The following NBN variants were observed in gnomAD, a reference collection of about 807,000 sequenced individuals.
NBN encodes the protein nibrin.
Under a neutral mutation model 90.8 loss-of-function variants are expected in NBN, and 88 were observed. The observed-to-expected ratio is 0.97, with a 90% CI of 0.82 to 1.16. NBN has a LOEUF of 1.16. Among genes scored for constraint, NBN ranks in the 50% most tolerant of loss-of-function variants. The probability of loss-of-function intolerance (pLI) is 0.00; values close to 1 mark genes in which losing one functional copy is unlikely to be tolerated. For missense variants in NBN, 894 were observed against 869.6 expected, an observed-to-expected ratio of 1.03 and a Z score of -0.35; for synonymous variants, 328 against 295.1, an observed-to-expected ratio of 1.11 and a Z score of -1.14.
chr8:89,963,605 A>C (rs1811102166), intron 8 of NBN, among the ~76,000 whole-genome samples: 1 of 152,198 alleles, frequency 6.6e-6, no homozygotes, highest in Non-Finnish European at 1.5e-5. Context: ...TTAACTAATA[A>C]AGGGGAAACA....
intron 8 of NBN, among the ~76,000 whole-genome samples, chr8:89,963,021 G>A (rs1361523158): frequency 6.6e-6 from 1 of 152,200 alleles, no homozygotes; most frequent in African/African-American, 2.4e-5. Context: ...TCTACGAAAA[G>A]TAGATGATGC....
chr8:89,980,976 C>T, intron 3 of NBN, 83 bp from the exon 4 acceptor site: 1 of 1,164,210 alleles, frequency 8.6e-7, no homozygotes, highest in Non-Finnish European at 1.3e-6. Context: ...ACTTTAAGCT[C>T]ACATCATATA....
intron 1 of NBN, among the ~76,000 whole-genome samples, chr8:89,983,063 A>G (rs2129927727): frequency 6.6e-6 from 1 of 152,318 alleles, no homozygotes; most frequent in African/African-American, 2.4e-5. Flanking sequence ...TTATCTAACT[A>G]TGGTGTTTCA....
At chr8:89,936,789 T>C (rs1201741999) in intron 15 of NBN, among the ~76,000 whole-genome samples, 1 of 152,186 alleles carries the variant, frequency 6.6e-6, no homozygotes, top group Non-Finnish European at 1.5e-5. Flanking sequence ...GAACCGTCTT[T>C]TTGCCTGAAT....
intron 5 of NBN, among the ~76,000 whole-genome samples, chr8:89,971,561 G>C (rs1295284143): frequency 6.6e-6 from 1 of 152,114 alleles, no homozygotes; most frequent in East Asian, 1.9e-4. Context: ...ATAACAGGAT[G>C]AACATTAAAC....
At chr8:89,947,062 GAA>G (rs1810224086) in intron 12 of NBN, among the ~76,000 whole-genome samples, 1 of 152,002 alleles carries the variant, frequency 6.6e-6, no homozygotes, top group East Asian at 1.9e-4. Context: ...AAAAAAAGGG[GAA>G]AGTCAGAAAA....
chr8:89,937,069 T>A lies in NBN; in HGVS notation c.2191A>T (p.Asn731Tyr), dbSNP rs369649307. The change falls in exon 15 of 16, where the codon AAT (asparagine) becomes TAT (tyrosine). Residue 731 changes from asparagine (N) to tyrosine (Y), a missense_variant. By Grantham distance (143) the Asn-to-Tyr change is moderately radical (BLOSUM62 -2). Coordinates refer to ENST00000265433, the MANE Select transcript of NBN (RefSeq NM_002485.5). ...AGAGACTCTTCTTTTGCATGTTGAT[T>A]TTGTACCTGTCAAAATTAACATAAT... ...EWLRQEMEVQ[N>Y]QHAKEESLAD... 1 of 1,612,410 alleles carries A rather than the reference T, an allele frequency of 6.2e-7. No homozygotes were observed. The highest frequency in any genetic ancestry group is 8.5e-7 in the Non-Finnish European group (1 of 1,179,160).
At position 89,953,098 on chromosome 8, in the gene NBN, C is replaced by T. The variant is rs1810513449; in HGVS notation, c.1845+146G>A. On this transcript the variant is annotated intron_variant, in intron 11 of 15. Coordinates refer to ENST00000265433, the MANE Select transcript of NBN (RefSeq NM_002485.5). ...AGAATCACTGTACTTTTAACATTTA[C>T]CATTTACCTTATCAACCAACAAATT... 11 of 634,066 alleles carry T rather than the reference C, an allele frequency of 1.7e-5. No homozygotes were observed. The South Asian group carries it at 2.1e-4, about 12-fold the overall frequency. The allele number at this position is 634,066 out of a possible 1,614,324, so 39.3% of individuals were successfully genotyped here.
In NBN at chr8:89,946,157, A is replaced by G. The variant is rs768715280; in HGVS notation, c.2053T>C (p.Phe685Leu). The change falls in exon 13 of 16, where the codon TTC becomes CTC. Residue 685 changes from phenylalanine to leucine, a missense_variant. Phe to Leu is a conservative substitution (Grantham distance 22). Coordinates refer to ENST00000265433, the MANE Select transcript of NBN (RefSeq NM_002485.5). ...ATACCTACCTTTTTGAATTTCTTGA[A>G]ATTTTTTAGTTGACCATAATCATCA... ...INDDYGQLKN[F>L]KKFKKVTYPG... The G allele has an allele frequency of 1.3e-6, 2 of 1,594,532 alleles. No individual in the cohort carries two copies. The highest frequency in any genetic ancestry group is 1.8e-4 in the Middle Eastern group (1 of 5,608).
intron 10 of NBN, among the ~76,000 whole-genome samples, chr8:89,954,323 A>C (rs1228261814): frequency 6.6e-6 from 1 of 152,278 alleles, no homozygotes; most frequent in South Asian, 2.1e-4. Flanking sequence ...AGAACAGTCA[A>C]CCCAATGTTC....
At chr8:89,983,114 A>T (rs1368760774) in intron 1 of NBN, among the ~76,000 whole-genome samples, 2 of 152,168 alleles carry the variant, frequency 1.3e-5, no homozygotes, top group African/African-American at 4.8e-5. Flanking sequence ...TAAAAAAGAG[A>T]AAAAGAAAAA....
intron 5 of NBN, among the ~76,000 whole-genome samples, chr8:89,976,613 C>T (rs911905929): frequency 6.6e-6 from 1 of 152,116 alleles, no homozygotes; most frequent in Non-Finnish European, 1.5e-5. Flanking sequence ...TAGTCGGGAC[C>T]GCGGCTGCTA....
At chr8:89,949,158 G>A (rs538327235) in intron 11 of NBN, among the ~76,000 whole-genome samples, 1 of 152,274 alleles carries the variant, frequency 6.6e-6, no homozygotes, top group East Asian at 1.9e-4. Context: ...GCTAACAAAA[G>A]GATCAGTCAG....
chr8:89,982,154 C>T (rs1325129844), intron 2 of NBN, among the ~76,000 whole-genome samples: 1 of 151,904 alleles, frequency 6.6e-6, no homozygotes, highest in Non-Finnish European at 1.5e-5. Flanking sequence ...GCACTTTTAT[C>T]ACCCAAGGTT....
At chr8:89,942,378 G>A (rs1809989741) in intron 14 of NBN, among the ~76,000 whole-genome samples, 1 of 152,106 alleles carries the variant, frequency 6.6e-6, no homozygotes, top group South Asian at 2.1e-4. Flanking sequence ...CTCGAAGATA[G>A]AAAACGTATC....
chr8:89,984,186 C>G, intron 1 of NBN: 1 of 445,884 alleles, frequency 2.2e-6, no homozygotes, highest in South Asian at 2.8e-5. Context: ...GGGGTTCCCA[C>G]TAGGCGCCTG....
intron 8 of NBN, 38 bp downstream of exon 8, chr8:89,964,372 A>C (rs770381566): frequency 6.2e-7 from 1 of 1,608,032 alleles, no homozygotes; most frequent in Non-Finnish European, 8.5e-7. Context: ...TTACATAATA[A>C]AGTTGCTAAC....
chr8:89,956,779 C>T (rs1810734321), intron 9 of NBN, among the ~76,000 whole-genome samples: 1 of 152,180 alleles, frequency 6.6e-6, no homozygotes, highest in South Asian at 2.1e-4. Context: ...GTTATTAGAA[C>T]ACAACACTTT....
chr8:89,963,873 A>G (rs1411106076), intron 8 of NBN, among the ~76,000 whole-genome samples: 2 of 152,158 alleles, frequency 1.3e-5, no homozygotes, highest in East Asian at 3.8e-4. Context: ...GATTTCCACA[A>G]TAGCATTCTA....
Sources: allele counts gnomAD v4.1 joint callset (sites outside exome capture counted in the v4.1 genomes callset), GRCh38; gene constraint gnomAD v4.1.1; transcripts MANE v1.5; gene names NCBI Gene and HGNC (gene_info 2026-07-23, HGNC 2026-07-21).